Variants in SDC1 observed in about 807,000 individuals in gnomAD.
SDC1 encodes syndecan-1.
SDC1 carries 14 observed loss-of-function variants against 29.7 expected under a neutral mutation model. That is an observed-to-expected ratio of 0.47 (90% CI 0.31 to 0.74). The LOEUF is 0.74. SDC1 is among the 30% of genes least tolerant of loss of function. The probability of loss-of-function intolerance (pLI) is 0.05; values close to 1 mark genes in which losing one functional copy is unlikely to be tolerated. For missense variants in SDC1, 406 were observed against 400.3 expected (o/e 1.01, Z -0.12); for synonymous variants, 204 against 175.5 (o/e 1.16, Z -1.29).
Position 20,203,153 on chromosome 2 carries a change from A to C in SDC1, c.697T>G (p.Ser233Ala). ...CCCGTGGCCCCCTGATCCACTGGGG[A>C]CTGGTTCCGGCGGTCAGGCTCCACG... ...VAVEPDRRNQ[S>A]PVDQGATGAS... is the part of the protein sequence containing the mutation. Residue 233 changes from serine to alanine, a missense_variant, in exon 4 of 5, where the codon TCC (serine) becomes GCC (alanine). Transcript: ENST00000254351. 1 of 1,613,088 alleles carries C rather than the reference A, an allele frequency of 6.2e-7. No individual in the cohort carries two copies. Among genetic ancestry groups the C allele is most frequent in the African/African-American group, 1.3e-5 (1 of 74,998 alleles).
chr2:20,203,156 G>T lies in SDC1; in HGVS notation c.694C>A (p.Gln232Lys). The change falls in exon 4 of 5, where the codon CAG becomes AAG. Residue 232 changes from glutamine (Q) to lysine (K), a missense_variant. Gln to Lys is a moderately conservative substitution (Grantham distance 53, BLOSUM62 1). Transcript: ENST00000254351. The part of the protein sequence containing the change: ...VVAVEPDRRN[Q>K]SPVDQGATGA... ...GTGGCCCCCTGATCCACTGGGGACT[G>T]GTTCCGGCGGTCAGGCTCCACGGCC... 1.2e-6 allele frequency: 2 copies of T among 1,613,206 alleles called. No homozygotes were observed. The highest frequency in any genetic ancestry group is 2.7e-5 in the African/African-American group (2 of 75,056).
chr2:20,204,360 G>A (rs1677176516), intron 2 of SDC1, 69 bp from the exon 3 acceptor site: 3 of 1,009,720 alleles, frequency 3.0e-6, no homozygotes, highest in South Asian at 2.7e-5. Context: ...GAGTGTGTTG[G>A]GTGGGTCGGG....
intron 1 of SDC1, among the ~76,000 whole-genome samples, chr2:20,220,136 G>T (rs1314461601): frequency 6.6e-6 from 1 of 152,222 alleles, no homozygotes; most frequent in Non-Finnish European, 1.5e-5. Context: ...GTCCCTGAGG[G>T]GCCATCAGTT....
At chr2:20,223,817 G>A (rs1045395968) in intron 1 of SDC1, among the ~76,000 whole-genome samples, 8 of 152,240 alleles carry the variant, frequency 5.3e-5, no homozygotes, top group Non-Finnish European at 8.8e-5. Flanking sequence ...GGGACCCTCA[G>A]GCTGCTCTTT....
At chr2:20,216,317 C>A (rs898696830) in intron 1 of SDC1, among the ~76,000 whole-genome samples, 2 of 152,178 alleles carry the variant, frequency 1.3e-5, no homozygotes, top group Non-Finnish European at 2.9e-5. Context: ...CCCCGCAGGC[C>A]CTGGCCAGCC....
intron 1 of SDC1, among the ~76,000 whole-genome samples, chr2:20,217,019 G>C (rs904276008): frequency 6.6e-6 from 1 of 152,186 alleles, no homozygotes; most frequent in Admixed American, 6.5e-5. Context: ...AGTGGTCCTA[G>C]AGCAGGACTG....
chr2:20,206,034 C>T (rs1677258913), intron 1 of SDC1, among the ~76,000 whole-genome samples: 2 of 152,246 alleles, frequency 1.3e-5, no homozygotes, highest in South Asian at 4.1e-4. Context: ...CCACACAGGG[C>T]AACCCCAGGC....
intron 1 of SDC1, among the ~76,000 whole-genome samples, chr2:20,221,739 A>G (rs1041167093): frequency 2.0e-5 from 3 of 152,208 alleles, no homozygotes; most frequent in Non-Finnish European, 4.4e-5. Context: ...AATTCTTTCC[A>G]GGCTCTCTCC....
intron 1 of SDC1, chr2:20,223,232 C>A: frequency 7.7e-7 from 1 of 1,301,550 alleles, no homozygotes; most frequent in South Asian, 1.2e-5. Context: ...CTTTACACAT[C>A]GGTCTCAGAA....
chr2:20,202,670 C>T lies in SDC1; in HGVS notation c.*96G>A. On this transcript the variant is annotated 3_prime_UTR_variant, in exon 5 of 5. Coordinates refer to ENST00000254351, the MANE Select transcript of SDC1 (RefSeq NM_002997.5). ...GGGGCTGGAATGCTGGGGAGGTGGC[C>T]TGGTGGCAGGGGAGGCCAGGGCCTG... The T allele has an allele frequency of 8.0e-7, 1 of 1,251,504 alleles. No individual in the cohort carries two copies. The highest frequency in any genetic ancestry group is 2.4e-5 in the East Asian group (1 of 42,234). 77.5% of individuals were successfully genotyped at this position (1,251,504 alleles called of 1,614,324 possible).
chr2:20,213,727 T>C (rs1677544341), intron 1 of SDC1, among the ~76,000 whole-genome samples: 1 of 152,206 alleles, frequency 6.6e-6, no homozygotes, highest in Non-Finnish European at 1.5e-5. Flanking sequence ...TCCCCTGGAA[T>C]GGGTAGCCAC....
intron 1 of SDC1, among the ~76,000 whole-genome samples, chr2:20,208,623 T>C (rs1238429452): frequency 6.6e-6 from 1 of 152,182 alleles, no homozygotes; most frequent in Non-Finnish European, 1.5e-5. Context: ...GACTTTCGAT[T>C]TCCTTTAGCA....
Position 20,204,202 on chromosome 2 carries a change from G to C in SDC1, c.238C>G (p.Pro80Ala), listed in dbSNP as rs745821873. The C allele has an allele frequency of 5.6e-6, 9 of 1,599,134 alleles. No individual in the cohort carries two copies. Among genetic ancestry groups the C allele is most frequent in the Non-Finnish European group, 7.6e-6 (9 of 1,179,764 alleles). The change falls in exon 3 of 5, where the codon CCC becomes GCC. Residue 80 changes from proline to alanine, a missense_variant. Physicochemically the swap from Pro to Ala is conservative, Grantham distance 27. Coordinates refer to ENST00000254351, the MANE Select transcript of SDC1 (RefSeq NM_002997.5). ...GCAGCTGTAGCCTCCAGGCCGGTGG[G>C]TTCTGGAGACGTGGGAATAGCCGTC... is the stretch of plus-strand genomic sequence containing the variant. ...LLTAIPTSPE[P>A]TGLEATAAST... is the part of the protein sequence containing the mutation.
Position 20,205,408 on chromosome 2 carries a change from TTAG to T in SDC1, c.80_82del (p.Thr27del). The T allele has an allele frequency of 6.2e-7, 1 of 1,613,860 alleles. No individual in the cohort carries two copies. Among genetic ancestry groups the T allele is most frequent in the Non-Finnish European group, 8.5e-7 (1 of 1,179,832 alleles). ...GCCATCTTGATCTTCAGGGGGCAAATTAGTAGCCACAATTTGCTGGAAAAGGAT... is the reference window on the plus strand; with the variant it reads ...GCCATCTTGATCTTCAGGGGGCAAATTAGCCACAATTTGCTGGAAAAGGAT... On this transcript the variant is annotated inframe_deletion, in exon 2 of 5. Coordinates refer to ENST00000254351, the MANE Select transcript of SDC1 (RefSeq NM_002997.5).
chr2:20,215,866 C>A (rs1677610840), intron 1 of SDC1, among the ~76,000 whole-genome samples: 1 of 149,668 alleles, frequency 6.7e-6, no homozygotes, highest in Non-Finnish European at 1.5e-5. Context: ...CCGGGACTAA[C>A]CACGCCAGCT....
intron 1 of SDC1, chr2:20,208,229 C>A (rs903624706): frequency 2.2e-6 from 1 of 453,350 alleles, no homozygotes; most frequent in Non-Finnish European, 2.9e-6. Flanking sequence ...GGCCCCAACA[C>A]GTTAGCAGTT....
chr2:20,205,409 T>C lies in SDC1; in HGVS notation c.82A>G (p.Asn28Asp), dbSNP rs1415761404. 19 of 1,613,694 alleles carry C rather than the reference T, an allele frequency of 1.2e-5. No individual in the cohort carries two copies. The highest frequency in any genetic ancestry group is 2.2e-5 in the East Asian group (1 of 44,890). ...CCATCTTGATCTTCAGGGGGCAAAT[T>C]AGTAGCCACAATTTGCTGGAAAAGG... The part of the protein sequence containing the change: ...QPALPQIVAT[N>D]LPPEDQDGSG... Residue 28 changes from asparagine to aspartate, a missense_variant, in exon 2 of 5, where the codon AAT becomes GAT. Coordinates refer to ENST00000254351, the MANE Select transcript of SDC1 (RefSeq NM_002997.5).
At chr2:20,205,259 T>C in intron 2 of SDC1, 84 bp downstream of exon 2, 1 of 1,068,686 alleles carries the variant, frequency 9.4e-7, no homozygotes, top group Non-Finnish European at 1.5e-6. Context: ...ACATGCTCAG[T>C]AAACACAGGA....
chr2:20,203,658 G>A (rs1309050877), intron 3 of SDC1, among the ~76,000 whole-genome samples, 155 bp downstream of exon 3: 2 of 152,202 alleles, frequency 1.3e-5, no homozygotes, highest in Non-Finnish European at 2.9e-5. Flanking sequence ...TCCTGCTCTG[G>A]GCGAGGCCCT....
Sources: allele counts gnomAD v4.1 joint callset (sites outside exome capture counted in the v4.1 genomes callset), GRCh38; gene constraint gnomAD v4.1.1; transcripts MANE v1.5; gene names NCBI Gene and HGNC (gene_info 2026-07-23, HGNC 2026-07-21).